TSPAN9: variants seen among roughly 807,000 people sequenced by gnomAD.
TSPAN9 encodes the protein tetraspanin-9.
Under a neutral mutation model 31.0 loss-of-function variants are expected in TSPAN9, and 16 were observed. That is an observed-to-expected ratio of 0.52 (90% CI 0.35 to 0.78). The LOEUF is 0.78. Ranked by LOEUF, TSPAN9 falls within the 30% of genes least tolerant of loss-of-function variation. The pLI is 0.01. For synonymous variants in TSPAN9, 145 were observed against 121.6 expected (o/e 1.19, Z -1.27); for missense variants, 272 against 312.5 (o/e 0.87, Z 0.98).
At chr12:3,228,809 C>G (rs1035114382) in intron 3 of TSPAN9, among the ~76,000 whole-genome samples, 3 of 152,230 alleles carry the variant, frequency 2.0e-5, no homozygotes, top group African/African-American at 7.2e-5. Flanking sequence ...TGTCACCATT[C>G]TGGAGGCCAG....
At chr12:3,150,230 T>C (rs2098339128) in intron 2 of TSPAN9, among the ~76,000 whole-genome samples, 2 of 152,236 alleles carry the variant, frequency 1.3e-5, no homozygotes, top group Admixed American at 6.5e-5. Flanking sequence ...CTGCCAGTTA[T>C]AGGCTTAATA....
chr12:3,129,916 A>C (rs71458041), intron 2 of TSPAN9, among the ~76,000 whole-genome samples: 20,688 of 151,952 alleles, frequency 0.14, 1,726 homozygotes, highest in Middle Eastern at 0.22. Context: ...TCCCTGACCA[A>C]CCCCTCCATG....
chr12:3,250,241 C>T (rs965052200), intron 3 of TSPAN9, among the ~76,000 whole-genome samples: 11 of 152,182 alleles, frequency 7.2e-5, no homozygotes, highest in African/African-American at 2.7e-4. Context: ...CTTGCCTTTA[C>T]CCATTGCGTA....
intron 7 of TSPAN9, 115 bp downstream of exon 7, chr12:3,281,444 G>A (rs1377850243): frequency 8.3e-5 from 117 of 1,413,786 alleles, no homozygotes; most frequent in Non-Finnish European, 1.1e-4. Context: ...TGAATGTGGC[G>A]GTGGGGGGCT....
chr12:3,178,666 TC>T (rs1269730149), intron 2 of TSPAN9, among the ~76,000 whole-genome samples: 1 of 152,224 alleles, frequency 6.6e-6, no homozygotes, highest in Admixed American at 6.5e-5. Flanking sequence ...CATCTCTTCT[TC>T]CCTTTCCTGA....
rs956327477 is a variant in TSPAN9 at position 3,226,914 on chromosome 12, C to A, written c.63+25658C>A. Reference sequence around the variant, plus strand: ...TGCCTGGCTTCTCCTAATATGTGGTCTGAATCCTTCCCAAGAAGCCCGAAG... The same window carrying A: ...TGCCTGGCTTCTCCTAATATGTGGTATGAATCCTTCCCAAGAAGCCCGAAG... On this transcript the variant is annotated intron_variant, in intron 3 of 8. Transcript: ENST00000011898. Among the ~76,000 whole-genome samples, 3 of 147,860 alleles carry A rather than the reference C, an allele frequency of 2.0e-5. No homozygotes were observed. In the South Asian group the frequency reaches 6.6e-4, roughly 32 times the overall value.
At chr12:3,160,880 C>G (rs2098344773) in intron 2 of TSPAN9, among the ~76,000 whole-genome samples, 1 of 152,166 alleles carries the variant, frequency 6.6e-6, no homozygotes, top group African/African-American at 2.4e-5. Flanking sequence ...TTCTCATATT[C>G]TGTAGGTTTC....
In TSPAN9 at chr12:3,167,093, G is replaced by A. The variant is rs373752283; in HGVS notation, c.-17-34084G>A. Among the ~76,000 whole-genome samples the A allele has an allele frequency of 1.1e-4, 17 of 152,238 alleles. No individual in the cohort carries two copies. The South Asian group carries it at 3.5e-3, about 32-fold the overall frequency. Reference sequence around the variant, plus strand: ...ATTACAGGTATGAGCCACCACGCCCGGCCCATAGACTAAGGCCTTTACGTA... The same window carrying A: ...ATTACAGGTATGAGCCACCACGCCCAGCCCATAGACTAAGGCCTTTACGTA... On this transcript the variant is annotated intron_variant, in intron 2 of 8. Transcript: ENST00000011898.
At chr12:3,098,661 A>G (rs2098310322) in intron 2 of TSPAN9, among the ~76,000 whole-genome samples, 1 of 151,052 alleles carries the variant, frequency 6.6e-6, no homozygotes, top group African/African-American at 2.4e-5. Context: ...TTCCTTTCCC[A>G]GTCATGAGGT....
chr12:3,264,224 C>T (rs1862502224), intron 3 of TSPAN9, among the ~76,000 whole-genome samples: 1 of 152,070 alleles, frequency 6.6e-6, no homozygotes, highest in African/African-American at 2.4e-5. Context: ...GTCTGAGAGG[C>T]CTGGGTCGAA....
intron 3 of TSPAN9, among the ~76,000 whole-genome samples, chr12:3,252,119 G>A (rs1862254123): frequency 6.6e-6 from 1 of 152,122 alleles, no homozygotes; most frequent in Admixed American, 6.5e-5. Context: ...CATGAACCAT[G>A]GAGCGCCCCC....
intron 3 of TSPAN9, among the ~76,000 whole-genome samples, chr12:3,267,171 C>T (rs1862552498): frequency 6.6e-6 from 1 of 152,208 alleles, no homozygotes; most frequent in South Asian, 2.1e-4. Context: ...CCTTCGCCAT[C>T]CTGAAGAATG....
chr12:3,088,510 G>A (rs2098301975), intron 2 of TSPAN9, among the ~76,000 whole-genome samples: 1 of 152,328 alleles, frequency 6.6e-6, no homozygotes, highest in Admixed American at 6.5e-5. Context: ...CCGGCAGAGA[G>A]GGGAGGGGGC....
At chr12:3,137,035 AC>A (rs1484555015) in intron 2 of TSPAN9, among the ~76,000 whole-genome samples, 1 of 152,180 alleles carries the variant, frequency 6.6e-6, no homozygotes, top group Non-Finnish European at 1.5e-5. Flanking sequence ...CTGTGGAGCT[AC>A]CACTGCTACT....
chr12:3,244,696 T>C (rs7980313), intron 3 of TSPAN9, among the ~76,000 whole-genome samples: 6,282 of 152,286 alleles, frequency 0.041, 176 homozygotes, highest in Non-Finnish European at 0.063. Context: ...ATGTGGTAGA[T>C]GGTCTCTTTA....
intron 4 of TSPAN9, 23 bp from the exon 5 acceptor site, chr12:3,278,969 A>G (rs1862846803): frequency 1.2e-6 from 2 of 1,613,094 alleles, no homozygotes; most frequent in Admixed American, 1.7e-5. Context: ...CCACCTACCC[A>G]TGCCTGGCCC....
rs148723184 is a variant in TSPAN9, at chr12:3,117,561, A to G, written c.-18+33842A>G. On this transcript the variant is annotated intron_variant, in intron 2 of 8. Coordinates refer to ENST00000011898, the MANE Select transcript of TSPAN9 (RefSeq NM_006675.5). ...TTTTGTAAAGAGGGGCAGCCTGGAA[A>G]CCCACCGTGGGCCCAGCTCTGCCCC... 1.9e-3 allele frequency among the ~76,000 whole-genome samples: 283 copies of G among 151,926 alleles called. 2 individuals are homozygous for G. The highest frequency in any genetic ancestry group is 6.5e-3 in the African/African-American group (270 of 41,426).
chr12:3,268,741 C>T (rs534093660), intron 3 of TSPAN9, among the ~76,000 whole-genome samples: 87 of 106,554 alleles, frequency 8.2e-4, no homozygotes, highest in African/African-American at 3.0e-3. Flanking sequence ...TGTGTTCCTG[C>T]AGCCTGCCCT....
rs1312707256 is a variant in TSPAN9, at chr12:3,187,740, C to A, written c.-17-13437C>A. On this transcript the variant is annotated intron_variant, in intron 2 of 8. Transcript: ENST00000011898. This position sits in a 1 kb window ranked among gnomAD's most constrained non-coding sequence, Gnocchi z 5.2. Reference sequence around the variant, plus strand: ...GCGGTATTCAGGCACGCAGGCCTCTCTCTCCTCTGTCCTCATTCTGTTTGG... The same window carrying A: ...GCGGTATTCAGGCACGCAGGCCTCTATCTCCTCTGTCCTCATTCTGTTTGG... Among the ~76,000 whole-genome samples, 1 of 152,112 alleles carries A rather than the reference C, an allele frequency of 6.6e-6. No individual in the cohort carries two copies. The highest frequency in any genetic ancestry group is 2.4e-5 in the African/African-American group (1 of 41,410).
Sources: allele counts gnomAD v4.1 joint callset (sites outside exome capture counted in the v4.1 genomes callset), GRCh38; gene constraint gnomAD v4.1.1; non-coding constraint Gnocchi (gnomAD v3.1); transcripts MANE v1.5; gene names NCBI Gene and HGNC (gene_info 2026-07-23, HGNC 2026-07-21).